The following STOX2 variants were observed in gnomAD, a reference collection of about 807,000 sequenced individuals.
The protein encoded by STOX2 is storkhead box 2, also known as storkhead-box protein 2.
A neutral mutation model predicts 60.9 loss-of-function variants in STOX2; 28 were observed. That is an observed-to-expected ratio of 0.46 (90% confidence interval 0.34 to 0.63). STOX2 has a LOEUF of 0.63. STOX2 is among the 30% of genes least tolerant of loss of function. The pLI, the probability that STOX2 is intolerant of heterozygous loss-of-function variation, is 0.01. For missense variants in STOX2, 1,024 were observed against 1,187.7 expected (o/e 0.86, Z 2.03); for synonymous variants, 472 against 463.9 (o/e 1.02, Z -0.22).
Position 184,023,443 on chromosome 4 carries a change from G to A in STOX2, c.*6159G>A. The A allele has an allele frequency of 6.6e-6, 1 of 152,134 alleles. No individual in the cohort carries two copies. Among genetic ancestry groups the A allele is most frequent in the Admixed American group, 6.5e-5 (1 of 15,272 alleles). 9.4% of individuals were successfully genotyped at this position (152,134 alleles called of 1,614,324 possible). ...AAGTCCCTCCCTATGGTGATACTGT[G>A]TTCATGTTGTTTATGTAGTGTTGTG... is the stretch of plus-strand genomic sequence containing the variant. On this transcript the variant is annotated 3_prime_UTR_variant, in exon 4 of 4. Coordinates refer to ENST00000308497, the MANE Select transcript of STOX2 (RefSeq NM_020225.3).
chr4:183,900,107 G>C (rs2111072585), intron 1 of STOX2, among the ~76,000 whole-genome samples: 1 of 152,310 alleles, frequency 6.6e-6, no homozygotes, highest in South Asian at 2.1e-4. Flanking sequence ...ATGGTTTACT[G>C]AATATTTTAA....
intron 1 of STOX2, among the ~76,000 whole-genome samples, chr4:183,992,088 C>T (rs1733131742): frequency 6.6e-6 from 1 of 152,162 alleles, no homozygotes; most frequent in Non-Finnish European, 1.5e-5. Flanking sequence ...TTTCATGCCT[C>T]TGAATTCTGA....
chr4:184,013,113 C>G (rs73010277), intron 3 of STOX2, among the ~76,000 whole-genome samples: 5,728 of 152,282 alleles, frequency 0.038, 314 homozygotes, highest in African/African-American at 0.12. Flanking sequence ...TCCTTTCCCT[C>G]TGGGCCCCTG....
At chr4:183,995,588 G>A (rs950234100) in intron 1 of STOX2, among the ~76,000 whole-genome samples, 6 of 152,170 alleles carry the variant, frequency 3.9e-5, no homozygotes, top group Non-Finnish European at 7.3e-5. Context: ...GCAGGTTGGC[G>A]TCTGCAGGAC....
chr4:183,999,483 C>T (rs1415644748), intron 1 of STOX2, among the ~76,000 whole-genome samples: 2 of 152,146 alleles, frequency 1.3e-5, no homozygotes, highest in African/African-American at 4.8e-5. Context: ...CTGTCTCCCT[C>T]TGGCCACTGG....
At chr4:183,961,387 A>G (rs1743407892) in intron 1 of STOX2, among the ~76,000 whole-genome samples, 1 of 147,692 alleles carries the variant, frequency 6.8e-6, no homozygotes, top group African/African-American at 2.7e-5. Context: ...CTGCTGCTGC[A>G]TAGAACGGTG....
rs1052457247 is a variant in STOX2, at chr4:183,837,890, T to A, written c.364+39835T>A. Among the ~76,000 whole-genome samples the A allele has an allele frequency of 2.6e-5, 4 of 152,352 alleles. 1 individual carries two copies. Among genetic ancestry groups the A allele is most frequent in the Middle Eastern group, 6.8e-3 (2 of 294 alleles). On this transcript the variant is annotated intron_variant, in intron 1 of 2. Coordinates refer to the STOX2 transcript ENST00000513034. ...GATGGAGCCTTGAGTTGTTTCCACT[T>A]TTTGGCTATGATGCTGCTGTGGACG...
Position 183,825,635 on chromosome 4 carries a change from G to A in STOX2, c.364+27580G>A, listed in dbSNP as rs1197098941. On this transcript the variant is annotated intron_variant, in intron 1 of 2. Coordinates refer to the STOX2 transcript ENST00000513034. This position sits in a 1 kb window ranked among gnomAD's most constrained non-coding sequence, Gnocchi z 4.1. Reference sequence around the variant, plus strand: ...CCGTCCTCTGTGTCCCAGGACTCGCGGTGAAGCCCTGAGCATGGGCTTCCA... The same window carrying A: ...CCGTCCTCTGTGTCCCAGGACTCGCAGTGAAGCCCTGAGCATGGGCTTCCA... 6.6e-6 allele frequency among the ~76,000 whole-genome samples: 1 copy of A among 152,186 alleles called. No homozygotes were observed. The highest frequency in any genetic ancestry group is 1.5e-5 in the Non-Finnish European group (1 of 68,038).
chr4:183,991,454 G>A (rs1469111704), intron 1 of STOX2, among the ~76,000 whole-genome samples: 3 of 149,538 alleles, frequency 2.0e-5, no homozygotes, highest in African/African-American at 7.4e-5. Flanking sequence ...TTTTGACGGA[G>A]TCTTTCCTTG....
At chr4:183,922,601 C>T (rs907797264) in intron 1 of STOX2, among the ~76,000 whole-genome samples, 1 of 152,104 alleles carries the variant, frequency 6.6e-6, no homozygotes, top group African/African-American at 2.4e-5. Flanking sequence ...ACCTCGGCCT[C>T]CCAAAGTGCT....
At chr4:183,863,558 G>C (rs866658083) in intron 1 of STOX2, among the ~76,000 whole-genome samples, 5 of 103,714 alleles carry the variant, frequency 4.8e-5, no homozygotes, top group African/African-American at 7.6e-5. Context: ...TTTTGTACAC[G>C]AATGTTAATT....
intron 1 of STOX2, among the ~76,000 whole-genome samples, chr4:183,913,725 C>T (rs1437383783): frequency 2.6e-5 from 4 of 151,916 alleles, no homozygotes; most frequent in South Asian, 2.1e-4. Flanking sequence ...GAGCTGAGAT[C>T]GCCTCACTGC....
intron 1 of STOX2, among the ~76,000 whole-genome samples, chr4:183,951,006 G>C (rs988929188): frequency 2.9e-4 from 44 of 152,142 alleles, no homozygotes; most frequent in African/African-American, 8.9e-4. Context: ...ACGAGGTCAG[G>C]AGATCGAGAC....
intron 1 of STOX2, among the ~76,000 whole-genome samples, chr4:183,867,480 C>T (rs777419164): frequency 1.6e-4 from 24 of 152,246 alleles, no homozygotes; most frequent in Non-Finnish European, 2.9e-4. Flanking sequence ...GAGCTTTCAG[C>T]GAATGCTGTG....
chr4:183,937,597 A>G (rs761671430), intron 1 of STOX2, among the ~76,000 whole-genome samples: 5 of 152,142 alleles, frequency 3.3e-5, no homozygotes, highest in East Asian at 1.9e-4. Context: ...TATTTCACCA[A>G]CATCCAAGCT....
Position 183,905,366 on chromosome 4 carries a change from G to A in STOX2, c.-1425G>A, listed in dbSNP as rs1319840836. On this transcript the variant is annotated 5_prime_UTR_variant, in exon 1 of 4. Coordinates refer to ENST00000308497, the MANE Select transcript of STOX2 (RefSeq NM_020225.3). Reference sequence around the variant, plus strand: ...GCTGTGGACCTGAATGCAGCGTAGCGGGCTGGCGGTGACTTACACCGGGAC... The same window carrying A: ...GCTGTGGACCTGAATGCAGCGTAGCAGGCTGGCGGTGACTTACACCGGGAC... 1 of 152,448 alleles carries A rather than the reference G, an allele frequency of 6.6e-6. No homozygotes were observed. Among genetic ancestry groups the A allele is most frequent in the Non-Finnish European group, 1.5e-5 (1 of 68,214 alleles). 9.4% of individuals were successfully genotyped at this position (152,448 alleles called of 1,614,324 possible). A position where few individuals can be genotyped will look rare whatever the true frequency, so the allele number is the denominator to read the frequency against.
chr4:183,942,363 C>A (rs1579446196), intron 1 of STOX2, among the ~76,000 whole-genome samples: 1 of 132,080 alleles, frequency 7.6e-6, no homozygotes, highest in Non-Finnish European at 1.6e-5. Context: ...TTAGACAAAA[C>A]CAAGGTTAAA....
intron 1 of STOX2, among the ~76,000 whole-genome samples, chr4:183,943,617 T>A (rs1399624449): frequency 7.2e-5 from 11 of 152,204 alleles, no homozygotes; most frequent in Admixed American, 7.2e-4. Flanking sequence ...TTCTTGAGTT[T>A]TATGATTTAA....
chr4:184,014,110 C>CAAAAAAAAAAAAAAAAAAAA (rs10527539), intron 3 of STOX2: 3 of 138,642 alleles, frequency 2.2e-5, no homozygotes, highest in African/African-American at 8.1e-5. Flanking sequence ...AAGCCCCAAC[C>CAAAAAAAAAAAAAAAAAAAA]AAAAAAAAAA....
Sources: allele counts gnomAD v4.1 joint callset (sites outside exome capture counted in the v4.1 genomes callset), GRCh38; gene constraint gnomAD v4.1.1; non-coding constraint Gnocchi (gnomAD v3.1); transcripts MANE v1.5; gene names NCBI Gene and HGNC (gene_info 2026-07-23, HGNC 2026-07-21).